CLVS1: variants seen among roughly 807,000 people sequenced by gnomAD.
The protein encoded by CLVS1 is clavesin-1.
A neutral mutation model predicts 33.1 loss-of-function variants in CLVS1; 10 were observed. The ratio of observed to expected loss-of-function variants is 0.30; its 90% confidence interval spans 0.19 to 0.51. CLVS1 has a LOEUF of 0.51. Among genes scored for constraint, CLVS1 ranks in the 20% least tolerant of loss-of-function variants. The pLI, the probability that CLVS1 is intolerant of heterozygous loss-of-function variation, is 0.97. For missense variants in CLVS1, 343 were observed against 433.4 expected (o/e 0.79, Z 1.85); for synonymous variants, 163 against 166.1 (o/e 0.98, Z 0.14).
At chr8:61,124,235 G>A (rs371566764) in intron 1 of CLVS1, among the ~76,000 whole-genome samples, 153 of 152,224 alleles carry the variant, frequency 1.0e-3, no homozygotes, top group African/African-American at 3.5e-3. Context: ...TTAAAACCAC[G>A]AGTCGAATTA....
intron 2 of CLVS1, among the ~76,000 whole-genome samples, chr8:61,226,749 G>A (rs1808338516): frequency 6.6e-6 from 1 of 152,120 alleles, no homozygotes; most frequent in African/African-American, 2.4e-5. Context: ...GGCTGGGGAG[G>A]GAAGAGGGTC....
the CLVS1 span, among the ~76,000 whole-genome samples, chr8:60,993,304 C>T: frequency 2.0e-5 from 3 of 152,216 alleles, no homozygotes; most frequent in Non-Finnish European, 4.4e-5. Flanking sequence ...AATGTCTATA[C>T]TGCCAGTGTG....
At chr8:61,176,683 A>T (rs62524555) in intron 2 of CLVS1, among the ~76,000 whole-genome samples, 24,296 of 152,008 alleles carry the variant, frequency 0.16, 2,150 homozygotes, top group Admixed American at 0.25. Flanking sequence ...ACCCATGGAG[A>T]GGAAGGAAGA....
At chr8:61,135,923 C>T (rs1806184501) in intron 2 of CLVS1, among the ~76,000 whole-genome samples, 2 of 152,236 alleles carry the variant, frequency 1.3e-5, no homozygotes, top group African/African-American at 4.8e-5. Flanking sequence ...CCTGTGCCCT[C>T]TCGGGCTCTC....
chr8:61,334,600 A>C (rs1811718007), intron 2 of CLVS1, among the ~76,000 whole-genome samples: 1 of 152,264 alleles, frequency 6.6e-6, no homozygotes, highest in South Asian at 2.1e-4. Flanking sequence ...CAAAGAGGCT[A>C]ACATGAGAGA....
At chr8:61,298,982 A>G (rs1481715953) in intron 1 of CLVS1, among the ~76,000 whole-genome samples, 1 of 152,130 alleles carries the variant, frequency 6.6e-6, no homozygotes, top group Non-Finnish European at 1.5e-5. Context: ...TAGTAAAAGA[A>G]TGGCAAATGC....
chr8:61,262,235 T>G (rs1809220981), intron 2 of CLVS1, among the ~76,000 whole-genome samples: 1 of 152,124 alleles, frequency 6.6e-6, no homozygotes, highest in Non-Finnish European at 1.5e-5. Context: ...AGGCTGCTCT[T>G]GAACTTCTGA....
chr8:60,986,012 A>T, the CLVS1 span, among the ~76,000 whole-genome samples: 3 of 152,230 alleles, frequency 2.0e-5, no homozygotes, highest in Admixed American at 1.3e-4. Context: ...ATAAAAACAG[A>T]CATTATGGAA....
At chr8:61,083,790 A>C (rs934725463) in intron 1 of CLVS1, among the ~76,000 whole-genome samples, 2 of 151,910 alleles carry the variant, frequency 1.3e-5, no homozygotes, top group Admixed American at 6.5e-5. Context: ...GGAAAGAATA[A>C]TTGAGTACAT....
At chr8:61,308,366 C>T (rs1810705206) in intron 2 of CLVS1, among the ~76,000 whole-genome samples, 1 of 152,186 alleles carries the variant, frequency 6.6e-6, no homozygotes, top group African/African-American at 2.4e-5. Flanking sequence ...TGAAGCCAGT[C>T]ACTCAGCCCC....
chr8:61,160,964 C>T (rs1380251845), intron 2 of CLVS1, among the ~76,000 whole-genome samples: 1 of 152,058 alleles, frequency 6.6e-6, no homozygotes, highest in East Asian at 1.9e-4. Flanking sequence ...ATATAAGTGA[C>T]CCAAATAACC....
At chr8:61,021,025 C>G in the CLVS1 span, among the ~76,000 whole-genome samples, 16 of 152,342 alleles carry the variant, frequency 1.1e-4, no homozygotes, top group East Asian at 1.2e-3. Flanking sequence ...ATGCTGCACA[C>G]ACTTTTTCCT....
chr8:61,350,170 C>T (rs1038856178), intron 2 of CLVS1, among the ~76,000 whole-genome samples: 2 of 152,044 alleles, frequency 1.3e-5, no homozygotes, highest in Non-Finnish European at 2.9e-5. Context: ...ATTTTATTAG[C>T]TCAATTTAAC....
At chr8:61,497,125 G>T (rs1429794150) in intron 5 of CLVS1, among the ~76,000 whole-genome samples, 4 of 152,134 alleles carry the variant, frequency 2.6e-5, no homozygotes, top group Non-Finnish European at 4.4e-5. Context: ...TGTTGAGGGG[G>T]TCCTCAAGAC....
intron 3 of CLVS1, among the ~76,000 whole-genome samples, chr8:61,392,136 C>G (rs1814327226): frequency 6.6e-6 from 1 of 152,114 alleles, no homozygotes; most frequent in Admixed American, 6.5e-5. Flanking sequence ...CTGTCCTAGC[C>G]TGGGCAAGAT....
chr8:61,105,179 A>G (rs560086890), intron 1 of CLVS1, among the ~76,000 whole-genome samples: 15 of 152,374 alleles, frequency 9.8e-5, no homozygotes, highest in South Asian at 2.1e-4. Context: ...ATTTTTAAAT[A>G]TAGACTTTCT....
chr8:61,229,208 T>C (rs1056810970), intron 2 of CLVS1, among the ~76,000 whole-genome samples: 4 of 152,350 alleles, frequency 2.6e-5, no homozygotes, highest in Admixed American at 2.6e-4. Flanking sequence ...GTTTGTCTCA[T>C]CTACTCACTC....
At chr8:61,433,898 A>C (rs73685024) in intron 3 of CLVS1, among the ~76,000 whole-genome samples, 4,616 of 152,122 alleles carry the variant, frequency 0.03, 219 homozygotes, top group African/African-American at 0.1. Flanking sequence ...TAGGTGACAG[A>C]GCAAGACACT....
chr8:61,052,051 T>C, the CLVS1 span, among the ~76,000 whole-genome samples: 3 of 152,164 alleles, frequency 2.0e-5, no homozygotes, highest in Non-Finnish European at 4.4e-5. Flanking sequence ...TGGGGAACCA[T>C]CAGTGAGGGG....
Sources: allele counts gnomAD v4.1 joint callset (sites outside exome capture counted in the v4.1 genomes callset), GRCh38; gene constraint gnomAD v4.1.1; transcripts MANE v1.5; gene names NCBI Gene and HGNC (gene_info 2026-07-23, HGNC 2026-07-21).